Variants in VPS13B observed in about 807,000 individuals in gnomAD.
VPS13B encodes the protein vacuolar protein sorting 13 homolog B, also known as intermembrane lipid transfer protein VPS13B.
VPS13B carries 285 observed loss-of-function variants against 426.4 expected under a neutral mutation model. The ratio of observed to expected loss-of-function variants is 0.67; its 90% CI spans 0.61 to 0.74. The LOEUF is 0.74. Among genes scored for constraint, VPS13B ranks in the 30% least tolerant of loss-of-function variants. VPS13B has a pLI of 0.00. For synonymous variants in VPS13B, 1,676 were observed against 1,676.4 expected, an observed-to-expected ratio of 1.00 and a Z score of 0.01; for missense variants, 4,537 against 4,782.6, an observed-to-expected ratio of 0.95 and a Z score of 1.51.
At chr8:99,202,477 C>T (rs1405252393) in intron 17 of VPS13B, among the ~76,000 whole-genome samples, 5 of 152,092 alleles carry the variant, frequency 3.3e-5, no homozygotes, top group South Asian at 4.1e-4. Flanking sequence ...CTGGACACAG[C>T]CTCACAAAAC....
intron 2 of VPS13B, among the ~76,000 whole-genome samples, chr8:99,028,526 C>G (rs1319772888): frequency 1.3e-4 from 1 of 7,984 alleles, no homozygotes; most frequent in East Asian, 1.3e-3. Flanking sequence ...GGGCTGACCC[C>G]CCCCCCCACC....
intron 19 of VPS13B, among the ~76,000 whole-genome samples, chr8:99,328,498 G>A (rs1181764720): frequency 6.6e-6 from 1 of 152,110 alleles, no homozygotes; most frequent in East Asian, 1.9e-4. Context: ...CAACCTGAAA[G>A]GTTTAGTGGG....
At chr8:99,763,631 G>A (rs897440305) in intron 39 of VPS13B, among the ~76,000 whole-genome samples, 3 of 152,184 alleles carry the variant, frequency 2.0e-5, no homozygotes, top group African/African-American at 7.2e-5. Flanking sequence ...GTTATGGATT[G>A]ATGTGAAGGA....
intron 36 of VPS13B, among the ~76,000 whole-genome samples, chr8:99,706,683 T>C (rs1286114404): frequency 2.0e-5 from 3 of 152,194 alleles, no homozygotes; most frequent in Non-Finnish European, 2.9e-5. Flanking sequence ...TAGAATTGTG[T>C]GCCATTACAT....
intron 36 of VPS13B, among the ~76,000 whole-genome samples, chr8:99,709,152 G>T (rs955369168): frequency 6.6e-6 from 1 of 152,056 alleles, no homozygotes; most frequent in Non-Finnish European, 1.5e-5. Flanking sequence ...ATCAGCTTCC[G>T]GATGTATCTA....
In VPS13B at chr8:99,467,969, G is replaced by C. The variant is rs149688711; in HGVS notation, c.3666+335G>C. On this transcript the variant is annotated intron_variant, in intron 24 of 61. Coordinates refer to ENST00000357162, the MANE Select transcript of VPS13B (RefSeq NM_152564.5). ...ACTGATCGAGTGTAATTTTCATTCA[G>C]ATTCTCACTCAGAACTTCTTTGCTT... Among the ~76,000 whole-genome samples the C allele has an allele frequency of 3.3e-5, 5 of 152,252 alleles. No individual in the cohort carries two copies. In the East Asian group the frequency reaches 9.6e-4, roughly 29 times the overall value.
rs572479795 is a variant in VPS13B, at chr8:99,871,496, C to T, written c.11544C>T (p.Asp3848=). 6.6e-5 allele frequency: 107 copies of T among 1,614,208 alleles called. 2 individuals are homozygous for T. The South Asian group carries it at 8.2e-4, about 12-fold the overall frequency. Residue 3848 remains aspartate, a synonymous_variant, in exon 61 of 62, where the codon GAC becomes GAT. Transcript: ENST00000357162. ...GACCAGAAGTCCACATGGCCCTGGA[C>T]GTGGTTCTGGTGAGGGGCTCAGGCC... ...LGRPEVHMAL[D]VVLVRGSGQE...
At chr8:99,679,494 A>T (rs895632207) in intron 35 of VPS13B, among the ~76,000 whole-genome samples, 2 of 152,312 alleles carry the variant, frequency 1.3e-5, no homozygotes, top group South Asian at 2.1e-4. Flanking sequence ...TCAATGTTTG[A>T]TCATAAAAAT....
intron 17 of VPS13B, among the ~76,000 whole-genome samples, chr8:99,271,166 C>T (rs1818570988): frequency 6.6e-6 from 1 of 151,382 alleles, no homozygotes; most frequent in South Asian, 2.1e-4. Flanking sequence ...ACTGCTGCTG[C>T]TTTTATTGCT....
At chr8:99,688,027 A>G (rs1831491064) in intron 35 of VPS13B, among the ~76,000 whole-genome samples, 1 of 151,976 alleles carries the variant, frequency 6.6e-6, no homozygotes, top group Non-Finnish European at 1.5e-5. Context: ...AAAGGGAACA[A>G]TATGAACAAG....
At chr8:99,777,576 C>T (rs920332465) in intron 41 of VPS13B, among the ~76,000 whole-genome samples, 4 of 152,152 alleles carry the variant, frequency 2.6e-5, no homozygotes, top group African/African-American at 7.2e-5. Context: ...ACAACCAAAC[C>T]ATATCAGATC....
At chr8:99,546,562 G>C (rs1823988876) in intron 30 of VPS13B, among the ~76,000 whole-genome samples, 1 of 151,944 alleles carries the variant, frequency 6.6e-6, no homozygotes, top group African/African-American at 2.4e-5. Context: ...TCTACCTATA[G>C]CACCCTGTGA....
At chr8:99,085,383 C>G (rs773739223) in intron 3 of VPS13B, among the ~76,000 whole-genome samples, 24 of 152,290 alleles carry the variant, frequency 1.6e-4, no homozygotes, top group Non-Finnish European at 2.9e-4. Context: ...ATACAGCACA[C>G]TTAATGGTTC....
At position 99,417,292 on chromosome 8, in the gene VPS13B, C is replaced by T. The variant is rs1015013958; in HGVS notation, c.3083-14245C>T. Among the ~76,000 whole-genome samples the T allele has an allele frequency of 1.6e-4, 25 of 152,006 alleles. 1 individual carries two copies. The highest frequency in any genetic ancestry group is 7.4e-5 in the Non-Finnish European group (5 of 67,988). The stretch of plus-strand genomic sequence containing the variant: ...GAGTGGGAAGGGTGCTATTGAAAGG[C>T]GAACATAAAATATTGACACCAATTT... On this transcript the variant is annotated intron_variant, in intron 21 of 61. Coordinates refer to ENST00000357162, the MANE Select transcript of VPS13B (RefSeq NM_152564.5).
chr8:99,872,093 C>G (rs35509895), intron 61 of VPS13B, among the ~76,000 whole-genome samples: 33,960 of 151,950 alleles, frequency 0.22, 5,051 homozygotes, highest in African/African-American at 0.43. Context: ...AGCAATTCCA[C>G]GCAACTGCTC....
intron 19 of VPS13B, among the ~76,000 whole-genome samples, chr8:99,361,694 T>C (rs1812567708): frequency 6.6e-6 from 1 of 152,196 alleles, no homozygotes; most frequent in Non-Finnish European, 1.5e-5. Flanking sequence ...TTTGTAGGAT[T>C]GGTTACCTTA....
intron 17 of VPS13B, among the ~76,000 whole-genome samples, chr8:99,210,006 A>G (rs1814985418): frequency 6.6e-6 from 1 of 152,188 alleles, no homozygotes; most frequent in Non-Finnish European, 1.5e-5. Context: ...GCAATTAAAA[A>G]TGTATAACCA....
chr8:99,070,638 T>C lies in VPS13B; in HGVS notation c.292-25674T>C, dbSNP rs547954722. Among the ~76,000 whole-genome samples the C allele has an allele frequency of 5.3e-5, 8 of 152,274 alleles. No individual in the cohort carries two copies. The South Asian group carries it at 1.7e-3, about 32-fold the overall frequency. ...TTCAGAGACATATATTATCTATAGGTTTCCTCTCCACTGTCTACATTACCT... is the reference window on the plus strand; with the variant it reads ...TTCAGAGACATATATTATCTATAGGCTTCCTCTCCACTGTCTACATTACCT... On this transcript the variant is annotated intron_variant, in intron 3 of 61. Coordinates refer to ENST00000357162, the MANE Select transcript of VPS13B (RefSeq NM_152564.5).
intron 33 of VPS13B, among the ~76,000 whole-genome samples, chr8:99,603,505 A>G (rs1025008279): frequency 6.6e-6 from 1 of 152,226 alleles, no homozygotes. Context: ...TATTAAAATA[A>G]GGGTTACTTG....
Sources: allele counts gnomAD v4.1 joint callset (sites outside exome capture counted in the v4.1 genomes callset), GRCh38; gene constraint gnomAD v4.1.1; transcripts MANE v1.5; gene names NCBI Gene and HGNC (gene_info 2026-07-23, HGNC 2026-07-21).